Variants in LRRC4C observed in about 807,000 individuals in gnomAD.
The protein encoded by LRRC4C is leucine rich repeat containing 4C.
LRRC4C carries 5 observed loss-of-function variants against 33.6 expected under a neutral mutation model. The ratio of observed to expected loss-of-function variants is 0.15; its 90% CI spans 0.08 to 0.31. The LOEUF is 0.31. Among genes scored for constraint, LRRC4C ranks in the 10% least tolerant of loss-of-function variants. The pLI, the probability that LRRC4C is intolerant of heterozygous loss-of-function variation, is 1.00. For synonymous variants in LRRC4C, 329 were observed against 302.0 expected, an observed-to-expected ratio of 1.09 and a Z score of -0.93; for missense variants, 560 against 796.7, an observed-to-expected ratio of 0.70 and a Z score of 3.58.
At chr11:40,224,782 T>A (rs528570707) in intron 5 of LRRC4C, among the ~76,000 whole-genome samples, 19 of 152,220 alleles carry the variant, frequency 1.2e-4, no homozygotes, top group Non-Finnish European at 2.5e-4. Context: ...TTAATTGGAG[T>A]CATCAATGAC....
chr11:40,505,832 C>T (rs1016779681), intron 3 of LRRC4C, among the ~76,000 whole-genome samples: 1 of 152,098 alleles, frequency 6.6e-6, no homozygotes, highest in East Asian at 1.9e-4. Context: ...GACCTCCCCC[C>T]GCTTTCACAT....
chr11:40,311,432 C>G (rs1473613307), intron 4 of LRRC4C, among the ~76,000 whole-genome samples: 1 of 152,084 alleles, frequency 6.6e-6, no homozygotes, highest in Non-Finnish European at 1.5e-5. Context: ...AGTGAGTGCT[C>G]AATGAGGACA....
At chr11:41,451,024 G>C (rs1590324400) in intron 1 of LRRC4C, among the ~76,000 whole-genome samples, 1 of 151,928 alleles carries the variant, frequency 6.6e-6, no homozygotes, top group Non-Finnish European at 1.5e-5. Flanking sequence ...CAAGTTAATT[G>C]CTCCTCTGTC....
intron 3 of LRRC4C, among the ~76,000 whole-genome samples, chr11:40,375,816 C>T (rs1590509312): frequency 6.6e-6 from 1 of 152,120 alleles, no homozygotes; most frequent in Non-Finnish European, 1.5e-5. Context: ...ACGGGAGTCA[C>T]GTGCTTAATC....
chr11:40,850,977 C>A (rs193112641), intron 2 of LRRC4C, among the ~76,000 whole-genome samples: 91 of 152,252 alleles, frequency 6.0e-4, no homozygotes, highest in African/African-American at 2.1e-3. Context: ...GACCCACCTC[C>A]CCCCACCAAG....
intron 2 of LRRC4C, among the ~76,000 whole-genome samples, chr11:40,894,667 G>C (rs1198930528): frequency 6.6e-6 from 1 of 152,132 alleles, no homozygotes; most frequent in East Asian, 1.9e-4. Flanking sequence ...TGATATTCAA[G>C]CTCTCCACCC....
chr11:41,197,242 C>T (rs530718616), intron 1 of LRRC4C, among the ~76,000 whole-genome samples: 4 of 152,148 alleles, frequency 2.6e-5, no homozygotes, highest in African/African-American at 9.6e-5. Context: ...AAATAAGACA[C>T]ACTATTTTAG....
chr11:41,012,881 G>A (rs1317174563), intron 1 of LRRC4C, among the ~76,000 whole-genome samples: 3 of 152,124 alleles, frequency 2.0e-5, no homozygotes, highest in Non-Finnish European at 4.4e-5. Context: ...CCATCTGTAT[G>A]TGTTCTTTTA....
chr11:40,245,595 G>A (rs11035746), intron 4 of LRRC4C, among the ~76,000 whole-genome samples: 113,494 of 152,038 alleles, frequency 0.75, 46,288 homozygotes, highest in East Asian at 0.95. Context: ...TTTCTAGTCT[G>A]TATTATTCCA....
chr11:40,159,312 C>T (rs1425374857), intron 5 of LRRC4C, among the ~76,000 whole-genome samples: 3 of 152,076 alleles, frequency 2.0e-5, no homozygotes, highest in East Asian at 3.9e-4. Flanking sequence ...AGAAAGGAAA[C>T]GTCTGCAGAA....
intron 3 of LRRC4C, among the ~76,000 whole-genome samples, chr11:40,512,046 GAAA>G (rs1202252415): frequency 6.6e-6 from 1 of 151,540 alleles, no homozygotes. Context: ...CAGAAAAAAA[GAAA>G]AAAAATCCAT....
At chr11:41,076,929 T>C (rs968596295) in intron 1 of LRRC4C, among the ~76,000 whole-genome samples, 3 of 152,092 alleles carry the variant, frequency 2.0e-5, no homozygotes, top group Non-Finnish European at 4.4e-5. Flanking sequence ...TTGTTACAAA[T>C]GGGAGAAATT....
intron 1 of LRRC4C, among the ~76,000 whole-genome samples, chr11:41,190,870 T>C (rs1945914183): frequency 6.6e-6 from 1 of 152,218 alleles, no homozygotes; most frequent in African/African-American, 2.4e-5. Flanking sequence ...CTGTCACTCG[T>C]TCGGCTCCTT....
chr11:40,653,625 A>C (rs777361041), intron 2 of LRRC4C, among the ~76,000 whole-genome samples: 6 of 152,224 alleles, frequency 3.9e-5, no homozygotes, highest in Admixed American at 1.3e-4. Context: ...ACTTATGTTT[A>C]AAAAGAAAGC....
chr11:40,712,437 G>C (rs981268384), intron 2 of LRRC4C, among the ~76,000 whole-genome samples: 3 of 152,014 alleles, frequency 2.0e-5, no homozygotes, highest in African/African-American at 7.2e-5. Flanking sequence ...AAATATTTTT[G>C]AAAAAGGTAA....
At chr11:40,646,779 C>T (rs751906740) in intron 3 of LRRC4C, among the ~76,000 whole-genome samples, 2 of 152,028 alleles carry the variant, frequency 1.3e-5, no homozygotes, top group Non-Finnish European at 2.9e-5. Context: ...GCTAATTTTT[C>T]GTATTTTCAG....
chr11:41,276,821 G>T (rs969959730), intron 1 of LRRC4C, among the ~76,000 whole-genome samples: 4 of 152,100 alleles, frequency 2.6e-5, no homozygotes, highest in African/African-American at 9.7e-5. Flanking sequence ...AAAGCTACAA[G>T]CTAAGAAACG....
intron 2 of LRRC4C, among the ~76,000 whole-genome samples, chr11:40,813,756 C>A (rs1040950789): frequency 2.6e-5 from 4 of 152,110 alleles, no homozygotes; most frequent in African/African-American, 9.7e-5. Context: ...TGGATAAATG[C>A]ACCCATTCCA....
intron 2 of LRRC4C, among the ~76,000 whole-genome samples, chr11:40,876,079 C>T (rs1267536723): frequency 6.6e-6 from 1 of 151,968 alleles, no homozygotes; most frequent in East Asian, 1.9e-4. Flanking sequence ...TTGTGGCATC[C>T]TCAGGATATT....
Sources: allele counts gnomAD v4.1 joint callset (sites outside exome capture counted in the v4.1 genomes callset), GRCh38; gene constraint gnomAD v4.1.1; transcripts MANE v1.5; gene names NCBI Gene and HGNC (gene_info 2026-07-23, HGNC 2026-07-21).